DUSP3: variants seen among roughly 807,000 people sequenced by gnomAD.
DUSP3 encodes dual specificity protein phosphatase 3.
Under a neutral mutation model 15.5 loss-of-function variants are expected in DUSP3, and 7 were observed. The observed-to-expected ratio is 0.45, with a 90% CI of 0.26 to 0.85. The LOEUF (loss-of-function observed/expected upper bound fraction) is 0.85. Among genes scored for constraint, DUSP3 ranks in the 40% least tolerant of loss-of-function variants. The probability of loss-of-function intolerance (pLI) is 0.18; values close to 1 mark genes in which losing one functional copy is unlikely to be tolerated. For missense variants in DUSP3, 209 were observed against 251.7 expected (o/e 0.83, Z 1.15); for synonymous variants, 86 against 104.2 (o/e 0.83, Z 1.07).
rs1974367884 is a variant in DUSP3 at position 43,774,864 on chromosome 17, G to A, written c.200C>T (p.Ser67Phe). 1 of 1,614,066 alleles carries A rather than the reference G, an allele frequency of 6.2e-7. No individual in the cohort carries two copies. The change falls in exon 2 of 3, where the codon TCC becomes TTC. Residue 67 changes from serine to phenylalanine, a missense_variant. Physicochemically the swap from Ser to Phe is radical, Grantham distance 155 (BLOSUM62 -2). Transcript: ENST00000226004. ...THVLNAAEGR[S>F]FMHVNTNANF... ...GGCATTGGTGTTGACGTGCATGAAG[G>A]ACCTGCCCTCAGCCGCGTTCAGCAC...
At chr17:43,771,182 T>A (rs754608035) in intron 2 of DUSP3, among the ~76,000 whole-genome samples, 1 of 151,856 alleles carries the variant, frequency 6.6e-6, no homozygotes, top group Non-Finnish European at 1.5e-5. Flanking sequence ...CAGCACATCC[T>A]CCCCTATACT....
In DUSP3 at chr17:43,769,151, G is replaced by A. The variant is rs113640069; in HGVS notation, c.*458C>T. 7.8e-3 allele frequency: 1,393 copies of A among 177,516 alleles called. 17 individuals carry two copies. The highest frequency in any genetic ancestry group is 0.032 in the African/African-American group (1,345 of 41,756). 11.0% of individuals were successfully genotyped at this position (177,516 alleles called of 1,614,324 possible). Reference sequence around the variant, plus strand: ...TGTGGGGACAGTGCAGGGCACAGACGTGGTGGGGAGAGTGGCCTGCATTTG... The same window carrying A: ...TGTGGGGACAGTGCAGGGCACAGACATGGTGGGGAGAGTGGCCTGCATTTG... On this transcript the variant is annotated 3_prime_UTR_variant, in exon 3 of 3. Transcript: ENST00000226004.
At chr17:43,774,486 G>A (rs1036642887) in intron 2 of DUSP3, among the ~76,000 whole-genome samples, 35 of 152,198 alleles carry the variant, frequency 2.3e-4, no homozygotes, top group African/African-American at 7.0e-4. Flanking sequence ...AGTCAAACGC[G>A]AGGACCCTGG....
At chr17:43,776,266 G>A (rs779818248) in intron 1 of DUSP3, among the ~76,000 whole-genome samples, 22 of 152,200 alleles carry the variant, frequency 1.4e-4, no homozygotes, top group Non-Finnish European at 3.1e-4. Flanking sequence ...TGCCCACTGC[G>A]AGCAGCCCTG....
intron 1 of DUSP3, among the ~76,000 whole-genome samples, chr17:43,777,304 A>C (rs939724939): frequency 1.3e-5 from 2 of 152,282 alleles, no homozygotes; most frequent in East Asian, 1.9e-4. Flanking sequence ...ACATTCAAAA[A>C]ATTTACAATT....
At position 43,769,483 on chromosome 17, in the gene DUSP3, ACTTGTAGACAAGTGC is replaced by A. The variant is rs1974283656; in HGVS notation, c.*111_*125del. On this transcript the variant is annotated 3_prime_UTR_variant, in exon 3 of 3. Coordinates refer to ENST00000226004, the MANE Select transcript of DUSP3 (RefSeq NM_004090.4). ...GTGGCCCAGGACTGTGTTGGGACAC[ACTTGTAGACAAGTGC>A]CTTGTGATGCTGGGAGCAGGGTACA... 3.5e-6 allele frequency: 4 copies of A among 1,142,272 alleles called. No homozygotes were observed. The South Asian group carries it at 5.7e-5, about 16-fold the overall frequency. The allele number at this position is 1,142,272 out of a possible 1,614,324, so 70.8% of individuals were successfully genotyped here.
chr17:43,778,972 A>G lies in DUSP3; in HGVS notation c.-48T>C. On this transcript the variant is annotated 5_prime_UTR_variant, in exon 1 of 3. Coordinates refer to ENST00000226004, the MANE Select transcript of DUSP3 (RefSeq NM_004090.4). ...CCCGGCAGGAGCAAGCGAGGCGGAG[A>G]GCGGCGGATCAGCTGGGCGGGGGCT... The G allele has an allele frequency of 7.6e-7, 1 of 1,308,822 alleles. No individual in the cohort carries two copies. Among genetic ancestry groups the G allele is most frequent in the Non-Finnish European group, 9.8e-7 (1 of 1,022,660 alleles). The allele number at this position is 1,308,822 out of a possible 1,614,324, so 81.1% of individuals were successfully genotyped here. A position where few individuals can be genotyped will look rare whatever the true frequency, so the allele number is the denominator to read the frequency against.
chr17:43,777,526 T>C (rs1974404544), intron 1 of DUSP3: 1 of 455,950 alleles, frequency 2.2e-6, no homozygotes, highest in South Asian at 1.5e-5. Flanking sequence ...AGGAAATACA[T>C]ACATGAACAA....
At chr17:43,772,067 C>T (rs1300605345) in intron 2 of DUSP3, among the ~76,000 whole-genome samples, 1 of 150,348 alleles carries the variant, frequency 6.7e-6, no homozygotes, top group Non-Finnish European at 1.5e-5. Flanking sequence ...GGATGCGTTA[C>T]AATCTCTAGC....
chr17:43,770,677 C>T lies in DUSP3; in HGVS notation c.353-863G>A, dbSNP rs375636712. The stretch of plus-strand genomic sequence containing the variant: ...TCTGTCTCAAAAAAAAAAAGAAGCC[C>T]GCGTGGCAGAGGCCCTGGGAGCTGG... On this transcript the variant is annotated intron_variant, in intron 2 of 2. Transcript: ENST00000226004. Among the ~76,000 whole-genome samples the T allele has an allele frequency of 3.0e-4, 46 of 151,398 alleles. No homozygotes were observed. In the East Asian group the frequency reaches 4.3e-3, roughly 14 times the overall value.
In DUSP3 at chr17:43,768,025, A is replaced by G. The variant is rs1338920670; in HGVS notation, c.*1584T>C. ...TGTAAATAGTCAACAAAAGTCCCTG[A>G]TATTTCTTTCGTTTTAGGTAAGACT... On this transcript the variant is annotated 3_prime_UTR_variant, in exon 3 of 3. Coordinates refer to ENST00000226004, the MANE Select transcript of DUSP3 (RefSeq NM_004090.4). 6.6e-6 allele frequency: 1 copy of G among 152,150 alleles called. No homozygotes were observed. Among genetic ancestry groups the G allele is most frequent in the Non-Finnish European group, 1.5e-5 (1 of 68,034 alleles). 9.4% of individuals were successfully genotyped at this position (152,150 alleles called of 1,614,324 possible).
chr17:43,774,136 G>GGA, intron 2 of DUSP3: 1 of 257,032 alleles, frequency 3.9e-6, no homozygotes, highest in East Asian at 1.6e-4. Context: ...AAAAAAAAAA[G>GGA]GAGAGAGAGA....
In DUSP3 at chr17:43,768,181, A is replaced by AC. The variant is rs1309001330; in HGVS notation, c.*1427dup. ...TTACTTTCTTAAACTTTTATCAGACACCTATGTGCAAGGTGCTGGGGGCAT... is the reference window on the plus strand; with the variant it reads ...TTACTTTCTTAAACTTTTATCAGACACCCTATGTGCAAGGTGCTGGGGGCAT... On this transcript the variant is annotated 3_prime_UTR_variant, in exon 3 of 3. Transcript: ENST00000226004. The AC allele has an allele frequency of 6.6e-6, 1 of 152,138 alleles. No individual in the cohort carries two copies. The highest frequency in any genetic ancestry group is 2.4e-5 in the African/African-American group (1 of 41,392). The allele number at this position is 152,138 out of a possible 1,614,324, so 9.4% of individuals were successfully genotyped here.
chr17:43,771,941 T>C (rs1005499187), intron 2 of DUSP3, among the ~76,000 whole-genome samples: 2 of 135,144 alleles, frequency 1.5e-5, no homozygotes, highest in African/African-American at 5.7e-5. Context: ...ACCTGGGAGG[T>C]GGAGGGTGCA....
intron 2 of DUSP3, among the ~76,000 whole-genome samples, chr17:43,770,328 G>A (rs948626026): frequency 4.6e-5 from 7 of 152,212 alleles, no homozygotes; most frequent in African/African-American, 1.7e-4. Context: ...TGAGCCCACA[G>A]AGTAGGAAAG....
chr17:43,771,250 A>G (rs1974316459), intron 2 of DUSP3, among the ~76,000 whole-genome samples: 1 of 152,052 alleles, frequency 6.6e-6, no homozygotes. Context: ...TTATTAGATT[A>G]TATCATCTAG....
intron 1 of DUSP3, among the ~76,000 whole-genome samples, chr17:43,775,206 C>A (rs180862851): frequency 3.2e-4 from 49 of 152,286 alleles, no homozygotes; most frequent in Non-Finnish European, 5.9e-4. Context: ...TGGAGAAATG[C>A]GCCCTCTCAT....
At chr17:43,775,086 C>A (rs988542033) in intron 1 of DUSP3, 148 bp from the exon 2 acceptor site, 30 of 778,046 alleles carry the variant, frequency 3.9e-5, no homozygotes, top group East Asian at 1.0e-4. Context: ...CATCTTATGA[C>A]CTCTTCCCTC....
At chr17:43,773,536 G>A (rs1974343957) in intron 2 of DUSP3, among the ~76,000 whole-genome samples, 1 of 152,164 alleles carries the variant, frequency 6.6e-6, no homozygotes. Flanking sequence ...GGAAGATTTG[G>A]CCAGGGGGGC....
Sources: allele counts gnomAD v4.1 joint callset (sites outside exome capture counted in the v4.1 genomes callset), GRCh38; gene constraint gnomAD v4.1.1; transcripts MANE v1.5; gene names NCBI Gene and HGNC (gene_info 2026-07-23, HGNC 2026-07-21).